Variants in NGEF observed in about 807,000 individuals in gnomAD.
The protein encoded by NGEF is neuronal guanine nucleotide exchange factor.
Under a neutral mutation model 80.9 loss-of-function variants are expected in NGEF, and 31 were observed. That is an observed-to-expected ratio of 0.38 (90% CI 0.29 to 0.52). The LOEUF (loss-of-function observed/expected upper bound fraction) is 0.52. Ranked by LOEUF, NGEF falls within the 20% of genes least tolerant of loss-of-function variation. NGEF has a pLI of 0.84. For missense variants in NGEF, 709 were observed against 926.2 expected, an observed-to-expected ratio of 0.77 and a Z score of 3.04; for synonymous variants, 371 against 370.2, an observed-to-expected ratio of 1.00 and a Z score of -0.03.
At position 232,906,392 on chromosome 2, in the gene NGEF, GGTGGGGGGGTC is replaced by G. The variant is rs1446097946; in HGVS notation, c.829-11487_829-11477del. 6.2e-5 allele frequency among the ~76,000 whole-genome samples: 7 copies of G among 113,676 alleles called. 1 individual carries two copies. Among genetic ancestry groups the G allele is most frequent in the Non-Finnish European group, 1.4e-4 (7 of 51,654 alleles). The allele number at this position is 113,676 out of a possible 152,430, so 74.6% of individuals were successfully genotyped here. A position where few individuals can be genotyped will look rare whatever the true frequency, so the allele number is the denominator to read the frequency against. On this transcript the variant is annotated intron_variant, in intron 5 of 14. Transcript: ENST00000264051. The stretch of plus-strand genomic sequence containing the variant: ...GGCCAGCCGCCCCGTCCGGGAGGGA[GGTGGGGGGGTC>G]AGCCCCCCGCCCGGTCAGCCACCCC...
intron 1 of NGEF, among the ~76,000 whole-genome samples, chr2:233,000,523 C>T (rs568613638): frequency 1.3e-5 from 2 of 152,074 alleles, no homozygotes; most frequent in South Asian, 4.1e-4. Flanking sequence ...TTTGGGAGGC[C>T]GAGGCGGGTG....
chr2:232,916,815 G>A (rs1481376336), intron 5 of NGEF, among the ~76,000 whole-genome samples: 2 of 152,102 alleles, frequency 1.3e-5, no homozygotes, highest in Non-Finnish European at 2.9e-5. Context: ...CACTTCATTC[G>A]GGACCAGCAG....
intron 5 of NGEF, among the ~76,000 whole-genome samples, chr2:232,911,323 T>G (rs1033859725): frequency 6.6e-6 from 1 of 150,886 alleles, no homozygotes; most frequent in African/African-American, 2.5e-5. Flanking sequence ...CCATACTTGT[T>G]GTGGGTTTAT....
chr2:232,943,784 T>G (rs532196487), intron 3 of NGEF, among the ~76,000 whole-genome samples: 2 of 151,048 alleles, frequency 1.3e-5, no homozygotes, highest in Admixed American at 1.3e-4. Context: ...CGTGAGCCAC[T>G]GTGCCCGGCC....
chr2:232,946,651 C>T (rs1693566666), intron 3 of NGEF, among the ~76,000 whole-genome samples: 2 of 152,158 alleles, frequency 1.3e-5, no homozygotes, highest in South Asian at 4.1e-4. Context: ...GCATTCTCCA[C>T]TAAATGGAGC....
At position 232,879,425 on chromosome 2, in the gene NGEF, C is replaced by T. The variant is rs918557115; in HGVS notation, c.*64G>A. The stretch of plus-strand genomic sequence containing the variant: ...GCTGGCCTGTGCTTCCCAGAGCCCC[C>T]CCCCCCCCACCTTCTGTCGGGGTCT... On this transcript the variant is annotated 3_prime_UTR_variant, in exon 15 of 15. Transcript: ENST00000264051. The T allele has an allele frequency of 1.3e-4, 183 of 1,424,130 alleles. No homozygotes were observed. The highest frequency in any genetic ancestry group is 1.1e-3 in the Middle Eastern group (5 of 4,490). 88.2% of individuals were successfully genotyped at this position (1,424,130 alleles called of 1,614,324 possible). A position where few individuals can be genotyped will look rare whatever the true frequency, so the allele number is the denominator to read the frequency against.
At chr2:232,882,349 C>T in intron 12 of NGEF, 84 bp from the exon 13 acceptor site, 1 of 1,228,796 alleles carries the variant, frequency 8.1e-7, no homozygotes, top group South Asian at 1.3e-5. Context: ...CAGCTAGCTG[C>T]CCCTCGGATC....
intron 4 of NGEF, among the ~76,000 whole-genome samples, chr2:232,921,580 TG>T (rs1692944407): frequency 6.6e-6 from 1 of 151,794 alleles, no homozygotes; most frequent in African/African-American, 2.4e-5. Flanking sequence ...GCTTCCTGAG[TG>T]GCTAGGACTA....
chr2:232,995,963 G>T (rs373410560), intron 1 of NGEF, among the ~76,000 whole-genome samples: 61 of 151,600 alleles, frequency 4.0e-4, no homozygotes, highest in African/African-American at 1.4e-3. Flanking sequence ...AAGAATAAAA[G>T]GGTGTGAGCG....
intron 1 of NGEF, chr2:233,012,618 G>A: frequency 3.0e-6 from 1 of 335,136 alleles, no homozygotes; most frequent in South Asian, 2.3e-5. Context: ...ATCAGGACTG[G>A]CGTCGTGGGT....
chr2:232,879,513 C>T lies in NGEF; in HGVS notation c.2109G>A (p.Lys703=). The stretch of plus-strand genomic sequence containing the variant: ...GTCATTGCCGATTCCGGCTGCCCAG[C>T]TTCCTGCGGTCCTTGTTCTGGCTGC... ...PQRSQNKDRR[K]LGSRNRQ is the part of the protein sequence containing the mutation. The change falls in exon 15 of 15, where the codon AAG becomes AAA. Residue 703 remains lysine (K), a synonymous_variant. Transcript: ENST00000264051. The T allele has an allele frequency of 6.2e-7, 1 of 1,610,710 alleles. No homozygotes were observed. Among genetic ancestry groups the T allele is most frequent in the South Asian group, 1.1e-5 (1 of 91,010 alleles).
At chr2:232,942,612 C>G (rs1255497287) in intron 3 of NGEF, among the ~76,000 whole-genome samples, 1 of 152,148 alleles carries the variant, frequency 6.6e-6, no homozygotes, top group Non-Finnish European at 1.5e-5. Context: ...CTGTCCAACT[C>G]ACGCCTGTAA....
At chr2:232,885,146 G>A in intron 10 of NGEF, 134 bp downstream of exon 10, 2 of 766,424 alleles carry the variant, frequency 2.6e-6, no homozygotes, top group South Asian at 1.6e-5. Context: ...GAGGTCAGGG[G>A]GCAGAGGGGA....
intron 3 of NGEF, among the ~76,000 whole-genome samples, chr2:232,955,568 G>A (rs1161642406): frequency 6.6e-6 from 1 of 152,194 alleles, no homozygotes; most frequent in Non-Finnish European, 1.5e-5. Flanking sequence ...CTGTTGCCCA[G>A]GCTGGAGTGC....
rs867923630 is a variant in NGEF, at chr2:232,880,995, G to T, written c.1942+151C>A. ...AAGAGAGGCCAGTGAAGCCAGCATG[G>T]GCAGTGTCCAAGCAGAATGTCTCAG... On this transcript the variant is annotated intron_variant, in intron 14 of 14. Coordinates refer to ENST00000264051, the MANE Select transcript of NGEF (RefSeq NM_019850.3). 3.4e-5 allele frequency: 22 copies of T among 649,706 alleles called. No individual in the cohort carries two copies. The Middle Eastern group carries it at 3.2e-3, about 95-fold the overall frequency. 40.2% of individuals were successfully genotyped at this position (649,706 alleles called of 1,614,324 possible).
At position 232,948,247 on chromosome 2, in the gene NGEF, G is replaced by A. The variant is rs189768312; in HGVS notation, c.384-21061C>T. ...TCTGTCATCCAGGCTGGAGTGCAGC[G>A]CGAAATGTTGGCTCACTGCAACCCC... is the stretch of plus-strand genomic sequence containing the variant. On this transcript the variant is annotated intron_variant, in intron 3 of 14. Coordinates refer to ENST00000264051, the MANE Select transcript of NGEF (RefSeq NM_019850.3). Among the ~76,000 whole-genome samples, 194 of 151,944 alleles carry A rather than the reference G, an allele frequency of 1.3e-3. 3 individuals carry two copies. Among genetic ancestry groups the A allele is most frequent in the Middle Eastern group, 0.01 (3 of 292 alleles).
intron 1 of NGEF, among the ~76,000 whole-genome samples, chr2:233,006,809 T>G (rs756682435): frequency 2.6e-5 from 4 of 152,124 alleles, no homozygotes; most frequent in Non-Finnish European, 5.9e-5. Context: ...TGGAGCATGG[T>G]GGGTCAGAGA....
At chr2:233,012,335 A>G (rs1264906438) in intron 1 of NGEF, among the ~76,000 whole-genome samples, 5 of 152,160 alleles carry the variant, frequency 3.3e-5, no homozygotes, top group Non-Finnish European at 7.3e-5. Flanking sequence ...CCACTTTCAC[A>G]TCCAAGAAAA....
chr2:232,951,057 T>A (rs1169623726), intron 3 of NGEF, among the ~76,000 whole-genome samples: 3 of 152,122 alleles, frequency 2.0e-5, no homozygotes. Context: ...AAGCAATCAG[T>A]GGGCTGCCTT....
Sources: allele counts gnomAD v4.1 joint callset (sites outside exome capture counted in the v4.1 genomes callset), GRCh38; gene constraint gnomAD v4.1.1; transcripts MANE v1.5; gene names NCBI Gene and HGNC (gene_info 2026-07-23, HGNC 2026-07-21).